Variants in SERPING1 observed in about 807,000 individuals in gnomAD.
SERPING1 encodes the protein plasma protease C1 inhibitor.
In SERPING1, 5 loss-of-function variants were observed where a neutral mutation model predicts 34.1. That is an observed-to-expected ratio of 0.15 (90% CI 0.08 to 0.31). SERPING1 has a LOEUF of 0.31. Ranked by LOEUF, SERPING1 falls within the 10% of genes least tolerant of loss-of-function variation. The pLI is 1.00. For synonymous variants in SERPING1, 225 were observed against 242.4 expected (o/e 0.93, Z 0.67); for missense variants, 505 against 609.5 (o/e 0.83, Z 1.81).
At chr11:57,611,957 G>A in intron 7 of SERPING1, 21 bp downstream of exon 7, 1 of 1,592,842 alleles carries the variant, frequency 6.3e-7, no homozygotes. Context: ...GCAGCTTAGG[G>A]TTACTCCCAG....
At chr11:57,600,535 G>C (rs559299762) in intron 3 of SERPING1, among the ~76,000 whole-genome samples, 158 bp downstream of exon 3, 1 of 152,082 alleles carries the variant, frequency 6.6e-6, no homozygotes, top group Non-Finnish European at 1.5e-5. Flanking sequence ...TTTCATTCTT[G>C]AACATTCCAT....
chr11:57,614,444 G>T lies in SERPING1; in HGVS notation c.1366G>T (p.Ala456Ser). 6.2e-7 allele frequency: 1 copy of T among 1,614,086 alleles called. No individual in the cohort carries two copies. Among genetic ancestry groups the T allele is most frequent in the Non-Finnish European group, 8.5e-7 (1 of 1,180,030 alleles). The stretch of plus-strand genomic sequence containing the variant: ...GGAACTGACAGAGACTGGGGTGGAG[G>T]CGGCTGCAGCCTCCGCCATCTCTGT... Reference protein sequence around the residue: ...VLELTETGVEAAAASAISVAR... With the variant: ...VLELTETGVESAAASAISVAR... Residue 456 changes from alanine to serine, a missense_variant, in exon 8 of 8, where the codon GCG becomes TCG. Transcript: ENST00000278407.
rs1945353228 is a variant in SERPING1, at chr11:57,602,048, C to T, written c.564C>T (p.Asn188=). The T allele has an allele frequency of 6.2e-7, 1 of 1,614,036 alleles. No individual in the cohort carries two copies. Among genetic ancestry groups the T allele is most frequent in the African/African-American group, 1.3e-5 (1 of 74,928 alleles). ...LTQVLLGAGE[N]TKTNLESILS... ...CCTTTGTTGCAGGGGCTGGGGAGAA[C>T]ACCAAAACAAACCTGGAGAGCATCC... Residue 188 remains asparagine, a synonymous_variant, in exon 4 of 8, where the codon AAC becomes AAT. Coordinates refer to ENST00000278407, the MANE Select transcript of SERPING1 (RefSeq NM_000062.3).
chr11:57,598,230 A>AGGCT lies in SERPING1; in HGVS notation c.-22-10_-22-7dup. 1.3e-6 allele frequency: 2 copies of AGGCT among 1,537,680 alleles called. No individual in the cohort carries two copies. Among genetic ancestry groups the AGGCT allele is most frequent in the Non-Finnish European group, 1.8e-6 (2 of 1,137,722 alleles). ...GCTCCCAGGGTGGGAGCTGGCTCCG[A>AGGCT]GGCTGGCTGGCTCCGCAGGTCCGCT... On this transcript the variant is annotated intron_variant, in intron 1 of 7. Coordinates refer to ENST00000278407, the MANE Select transcript of SERPING1 (RefSeq NM_000062.3).
chr11:57,614,280 G>A (rs965091256), intron 7 of SERPING1, 48 bp from the exon 8 acceptor site: 1 of 1,607,498 alleles, frequency 6.2e-7, no homozygotes, highest in African/African-American at 1.3e-5. Flanking sequence ...CATCAGCTGA[G>A]GGTATCATGC....
intron 4 of SERPING1, among the ~76,000 whole-genome samples, chr11:57,604,339 A>C (rs972761633): frequency 6.6e-6 from 1 of 152,150 alleles, no homozygotes; most frequent in East Asian, 1.9e-4. Context: ...GGTAATAATG[A>C]TAATACTAAT....
intron 6 of SERPING1, among the ~76,000 whole-genome samples, chr11:57,607,074 C>T (rs1945418135): frequency 1.3e-5 from 2 of 152,196 alleles, no homozygotes; most frequent in South Asian, 4.1e-4. Flanking sequence ...CCCAGAGGAT[C>T]CCAACTGGCA....
chr11:57,613,626 A>G (rs571367897), intron 7 of SERPING1, among the ~76,000 whole-genome samples: 2 of 152,284 alleles, frequency 1.3e-5, no homozygotes, highest in South Asian at 4.2e-4. Flanking sequence ...TACCTTCCTG[A>G]CACATGTATG....
At chr11:57,606,851 C>G (rs1945415646) in intron 6 of SERPING1, 2 of 614,088 alleles carry the variant, frequency 3.3e-6, no homozygotes, top group African/African-American at 3.6e-5. Flanking sequence ...GTCAACTCAT[C>G]AGAAGACTCT....
At chr11:57,606,387 C>T (rs750545765) in intron 5 of SERPING1, 21 bp from the exon 6 acceptor site, 9 of 1,613,914 alleles carry the variant, frequency 5.6e-6, no homozygotes, top group South Asian at 2.2e-5. Flanking sequence ...TTAGAGCAAC[C>T]CTCCCACCTC....
intron 3 of SERPING1, among the ~76,000 whole-genome samples, chr11:57,601,073 T>C (rs1225691003): frequency 1.3e-5 from 2 of 151,878 alleles, no homozygotes; most frequent in East Asian, 3.9e-4. Flanking sequence ...TTGTGTAAAA[T>C]AGTGATGATG....
intron 6 of SERPING1, among the ~76,000 whole-genome samples, chr11:57,609,154 C>T (rs903749128): frequency 7.9e-5 from 12 of 151,994 alleles, no homozygotes; most frequent in African/African-American, 2.9e-4. Context: ...TGGCACATGT[C>T]TGTAATCCCA....
chr11:57,600,108 C>A lies in SERPING1; in HGVS notation c.281C>A (p.Pro94His), dbSNP rs1176573502. ...DEPTTQPTTE[P>H]TTQPTIQPTQ... is the part of the protein sequence containing the mutation. Reference sequence around the variant, plus strand: ...CCCACCACACAACCCACCACAGAGCCCACCACCCAACCCACCATCCAACCC... The same window carrying A: ...CCCACCACACAACCCACCACAGAGCACACCACCCAACCCACCATCCAACCC... Residue 94 changes from proline (P) to histidine (H), a missense_variant, in exon 3 of 8, where the codon CCC becomes CAC. Pro to His is a moderately conservative substitution (Grantham distance 77, BLOSUM62 -2). Transcript: ENST00000278407. The A allele has an allele frequency of 1.2e-6, 2 of 1,613,560 alleles. No individual in the cohort carries two copies. The highest frequency in any genetic ancestry group is 1.7e-5 in the Admixed American group (1 of 59,962).
chr11:57,600,447 C>G, intron 3 of SERPING1, 70 bp downstream of exon 3: 1 of 1,557,492 alleles, frequency 6.4e-7, no homozygotes, highest in Non-Finnish European at 8.8e-7. Context: ...AATCCAGACA[C>G]TTACAAAGCC....
chr11:57,601,490 G>A (rs1199568118), intron 3 of SERPING1, among the ~76,000 whole-genome samples: 2 of 151,722 alleles, frequency 1.3e-5, no homozygotes, highest in Non-Finnish European at 2.9e-5. Flanking sequence ...TTACTGTCAA[G>A]TCCCATTTGG....
At chr11:57,598,385 C>A in intron 2 of SERPING1, 64 bp downstream of exon 2, 1 of 1,479,088 alleles carries the variant, frequency 6.8e-7, no homozygotes. Flanking sequence ...GTGCGGGGTG[C>A]GGGCGGTGGC....
chr11:57,609,102 A>G (rs1945446298), intron 6 of SERPING1, among the ~76,000 whole-genome samples: 1 of 151,706 alleles, frequency 6.6e-6, no homozygotes, highest in Non-Finnish European at 1.5e-5. Flanking sequence ...AACATGGTGG[A>G]ATTCTGTCTC....
At chr11:57,598,072 T>G in intron 1 of SERPING1, 177 bp from the exon 2 acceptor site, 5 of 557,866 alleles carry the variant, frequency 9.0e-6, no homozygotes, top group South Asian at 2.6e-5. Context: ...AGGGAAGCGG[T>G]TTGGGGAAAA....
At chr11:57,612,488 A>G (rs1444298823) in intron 7 of SERPING1, among the ~76,000 whole-genome samples, 1 of 149,168 alleles carries the variant, frequency 6.7e-6, no homozygotes, top group South Asian at 2.1e-4. Flanking sequence ...TGCTCACTGC[A>G]AGATCCGCCT....
Sources: allele counts gnomAD v4.1 joint callset (sites outside exome capture counted in the v4.1 genomes callset), GRCh38; gene constraint gnomAD v4.1.1; transcripts MANE v1.5; gene names NCBI Gene and HGNC (gene_info 2026-07-23, HGNC 2026-07-21).